The following ROCK2 variants were observed in gnomAD, a reference collection of about 807,000 sequenced individuals.
The protein encoded by ROCK2 is rho-associated protein kinase 2.
Under a neutral mutation model 195.1 loss-of-function variants are expected in ROCK2, and 61 were observed. The observed-to-expected ratio is 0.31, with a 90% confidence interval of 0.25 to 0.39. ROCK2 has a LOEUF of 0.39. Among genes scored for constraint, ROCK2 ranks in the 10% least tolerant of loss-of-function variants. ROCK2 has a pLI of 1.00. For missense variants in ROCK2, 1,109 were observed against 1,637.4 expected, an observed-to-expected ratio of 0.68 and a Z score of 5.57; for synonymous variants, 504 against 545.5, an observed-to-expected ratio of 0.92 and a Z score of 1.06.
Position 11,182,742 on chromosome 2 carries a change from G to A in ROCK2, c.*695C>T, listed in dbSNP as rs1663052969. On this transcript the variant is annotated 3_prime_UTR_variant, in exon 33 of 33. Coordinates refer to ENST00000315872, the MANE Select transcript of ROCK2 (RefSeq NM_004850.5). The stretch of plus-strand genomic sequence containing the variant: ...GCCTATCATGAAGCATTAGGAAACT[G>A]ATATAATTAACTTTAAACTTCTTGT... 6.6e-6 allele frequency: 1 copy of A among 152,482 alleles called. No homozygotes were observed. Among genetic ancestry groups the A allele is most frequent in the African/African-American group, 2.4e-5 (1 of 41,392 alleles). The allele number at this position is 152,482 out of a possible 1,614,324, so 9.4% of individuals were successfully genotyped here. A position where few individuals can be genotyped will look rare whatever the true frequency, so the allele number is the denominator to read the frequency against.
At chr2:11,253,835 C>T (rs1282592076) in intron 3 of ROCK2, among the ~76,000 whole-genome samples, 2 of 152,232 alleles carry the variant, frequency 1.3e-5, no homozygotes, top group South Asian at 2.1e-4. Context: ...TCCACATGTA[C>T]AGCTAATACT....
intron 3 of ROCK2, among the ~76,000 whole-genome samples, chr2:11,280,010 TTGG>T (rs1666946597): frequency 6.6e-6 from 1 of 152,136 alleles, no homozygotes; most frequent in African/African-American, 2.4e-5. Flanking sequence ...CTTTTCAAAA[TTGG>T]TGGGATACAG....
rs1025135510 is a variant in ROCK2, at chr2:11,192,392, T to C, written c.3950-31A>G. Reference sequence around the variant, plus strand: ...AAGAAAAATTAGAAAAAAAAATTAATGTGCTTAAAATGATCTGAACATAAC... The same window carrying C: ...AAGAAAAATTAGAAAAAAAAATTAACGTGCTTAAAATGATCTGAACATAAC... On this transcript the variant is annotated intron_variant, in intron 31 of 32. Transcript: ENST00000315872. This position sits in a 1 kb window ranked among gnomAD's most constrained non-coding sequence, Gnocchi z 5.0. 6 of 1,597,754 alleles carry C rather than the reference T, an allele frequency of 3.8e-6. No homozygotes were observed. Among genetic ancestry groups the C allele is most frequent in the Non-Finnish European group, 5.1e-6 (6 of 1,173,736 alleles).
chr2:11,195,906 TA>T (rs1663616801), intron 27 of ROCK2, among the ~76,000 whole-genome samples: 1 of 152,070 alleles, frequency 6.6e-6, no homozygotes, highest in Non-Finnish European at 1.5e-5. Flanking sequence ...AGTAACATTG[TA>T]ATTCAACTAA....
intron 23 of ROCK2, among the ~76,000 whole-genome samples, chr2:11,199,872 C>T (rs1663790359): frequency 6.6e-6 from 1 of 152,184 alleles, no homozygotes; most frequent in Non-Finnish European, 1.5e-5. Flanking sequence ...CTTCTGACTG[C>T]ATTATGTGAA....
chr2:11,330,556 C>A (rs916461965), intron 1 of ROCK2, among the ~76,000 whole-genome samples: 1 of 152,080 alleles, frequency 6.6e-6, no homozygotes, highest in African/African-American at 2.4e-5. Context: ...TGTGCTAATA[C>A]ACTTTCTTTT....
intron 3 of ROCK2, among the ~76,000 whole-genome samples, chr2:11,280,068 T>C (rs1426069630): frequency 6.6e-6 from 1 of 151,738 alleles, no homozygotes; most frequent in Admixed American, 6.6e-5. Context: ...ATAATCTGAG[T>C]TTCCAACTTA....
chr2:11,276,562 C>CTTA (rs1334942352), intron 3 of ROCK2, among the ~76,000 whole-genome samples: 11 of 152,118 alleles, frequency 7.2e-5, no homozygotes, highest in Non-Finnish European at 1.6e-4. Flanking sequence ...GACTGGAAGA[C>CTTA]TTAGTATTGT....
chr2:11,344,799 C>G (rs1039448350), upstream of ROCK2, among the ~76,000 whole-genome samples: 46 of 150,788 alleles, frequency 3.1e-4, no homozygotes, highest in Non-Finnish European at 6.2e-4. The surrounding 1 kb of genome is among the most constrained non-coding windows in gnomAD (Gnocchi z 5.4). Context: ...TCCTCTGCGC[C>G]CCTTCCTCGC....
At position 11,197,051 on chromosome 2, in the gene ROCK2, C is replaced by A. The variant is rs1420450361; in HGVS notation, c.3448+129G>T. 7.9e-6 allele frequency: 4 copies of A among 503,724 alleles called. No individual in the cohort carries two copies. Among genetic ancestry groups the A allele is most frequent in the Non-Finnish European group, 1.3e-5 (4 of 298,622 alleles). 31.2% of individuals were successfully genotyped at this position (503,724 alleles called of 1,614,324 possible). On this transcript the variant is annotated intron_variant, in intron 27 of 32. Transcript: ENST00000315872. The surrounding 1 kb of genome is among the most constrained non-coding windows in gnomAD (Gnocchi z 4.9). ...GTTTGAAATGTTACTTGAATCCTTA[C>A]TCCAAGGAGTAGGTTTTCCCTTAAA...
At chr2:11,265,409 T>C (rs746523320) in intron 3 of ROCK2, among the ~76,000 whole-genome samples, 31 of 152,328 alleles carry the variant, frequency 2.0e-4, no homozygotes, top group Middle Eastern at 3.4e-3. Context: ...ATTCATCATT[T>C]ACATAATTCT....
chr2:11,192,360 T>A lies in ROCK2; in HGVS notation c.3951A>T (p.Val1317=), dbSNP rs1184341698. ...TCTTTGCCGTTGAAATATCATAATA[T>A]ACTATAAAGAAAAATTAGAAAAAAA... is the stretch of plus-strand genomic sequence containing the variant. ...KKEEIIAPCK[V]YYDISTAKNL... The change falls in exon 32 of 33, where the codon GTA becomes GTT. Residue 1317 remains valine (V), a splice_region_variant and synonymous_variant. Transcript: ENST00000315872. The surrounding 1 kb of genome is among the most constrained non-coding windows in gnomAD (Gnocchi z 5.0). The A allele has an allele frequency of 6.2e-7, 1 of 1,600,096 alleles. No individual in the cohort carries two copies. The highest frequency in any genetic ancestry group is 8.5e-7 in the Non-Finnish European group (1 of 1,174,258).
chr2:11,307,965 G>C, intron 1 of ROCK2: 1 of 1,468,710 alleles, frequency 6.8e-7, no homozygotes, highest in East Asian at 2.5e-5. Flanking sequence ...GGGAAGGATG[G>C]CGCCCTAGAA....
intron 1 of ROCK2, among the ~76,000 whole-genome samples, chr2:11,341,336 A>G (rs902930547): frequency 4.6e-5 from 7 of 152,224 alleles, no homozygotes; most frequent in South Asian, 2.1e-4. Flanking sequence ...AAAATTATGT[A>G]GCAAGAAATA....
chr2:11,307,246 T>A (rs1440446396), intron 1 of ROCK2, among the ~76,000 whole-genome samples: 3 of 152,234 alleles, frequency 2.0e-5, no homozygotes, highest in African/African-American at 7.2e-5. Context: ...TTTTCTCCTG[T>A]GTACCAGGTA....
In ROCK2 at chr2:11,218,919, T is replaced by C. The variant is rs771103992; in HGVS notation, c.1320+47A>G. The C allele has an allele frequency of 8.8e-6, 10 of 1,138,810 alleles. No homozygotes were observed. In the African/African-American group the frequency reaches 1.5e-4, roughly 17 times the overall value. The allele number at this position is 1,138,810 out of a possible 1,614,324, so 70.5% of individuals were successfully genotyped here. On this transcript the variant is annotated intron_variant, in intron 10 of 32. Transcript: ENST00000315872. Reference sequence around the variant, plus strand: ...AAAAACATGGGGATTACTAAAATATTTAAACATGAAACTAAAATAACTACA... The same window carrying C: ...AAAAACATGGGGATTACTAAAATATCTAAACATGAAACTAAAATAACTACA...
At chr2:11,343,885 G>A in intron 1 of ROCK2, 111 bp downstream of exon 1, 1 of 1,350,260 alleles carries the variant, frequency 7.4e-7, no homozygotes, top group Non-Finnish European at 9.8e-7. Flanking sequence ...GCAGGGCGGG[G>A]TGGGGCAAGA....
chr2:11,329,036 G>A (rs1460975068), intron 1 of ROCK2, among the ~76,000 whole-genome samples: 1 of 151,454 alleles, frequency 6.6e-6, no homozygotes, highest in African/African-American at 2.4e-5. Context: ...CCTGCACACT[G>A]TGCACATGTA....
chr2:11,256,405 C>T (rs1666036600), intron 3 of ROCK2, among the ~76,000 whole-genome samples: 1 of 151,244 alleles, frequency 6.6e-6, no homozygotes, highest in Admixed American at 6.6e-5. Context: ...GTGCTTGCTT[C>T]CCTTTCACCT....
Sources: allele counts gnomAD v4.1 joint callset (sites outside exome capture counted in the v4.1 genomes callset), GRCh38; gene constraint gnomAD v4.1.1; non-coding constraint Gnocchi (gnomAD v3.1); transcripts MANE v1.5; gene names NCBI Gene and HGNC (gene_info 2026-07-23, HGNC 2026-07-21).